PPFIA2: variants seen among roughly 807,000 people sequenced by gnomAD.
PPFIA2 encodes the protein PPFI scaffold protein A2.
In PPFIA2, 46 loss-of-function variants were observed where a neutral mutation model predicts 175.5. The ratio of observed to expected loss-of-function variants is 0.26; its 90% CI spans 0.21 to 0.34. The LOEUF (loss-of-function observed/expected upper bound fraction) is 0.34. Ranked by LOEUF, PPFIA2 falls within the 10% of genes least tolerant of loss-of-function variation. The pLI, the probability that PPFIA2 is intolerant of heterozygous loss-of-function variation, is 1.00. For synonymous variants in PPFIA2, 568 were observed against 511.4 expected (o/e 1.11, Z -1.49); for missense variants, 1,179 against 1,506.1 (o/e 0.78, Z 3.60).
chr12:81,717,335 A>G (rs1339492127), intron 3 of PPFIA2, among the ~76,000 whole-genome samples: 2 of 151,614 alleles, frequency 1.3e-5, no homozygotes, highest in Non-Finnish European at 3.0e-5. Context: ...TTCTTATCTT[A>G]TGGGTGATGT....
chr12:81,484,820 T>C (rs1212245195), intron 4 of PPFIA2, among the ~76,000 whole-genome samples: 2 of 151,986 alleles, frequency 1.3e-5, no homozygotes, highest in Non-Finnish European at 2.9e-5. Context: ...TAAGTTGTGA[T>C]GATTTTCATA....
chr12:81,492,944 T>C (rs1273566752), intron 4 of PPFIA2, among the ~76,000 whole-genome samples: 2 of 152,044 alleles, frequency 1.3e-5, no homozygotes, highest in Admixed American at 6.6e-5. Context: ...TTGAAGTAGA[T>C]AGATTATGCA....
intron 5 of PPFIA2, among the ~76,000 whole-genome samples, chr12:81,450,553 G>A (rs944663242): frequency 3.9e-5 from 6 of 152,082 alleles, no homozygotes; most frequent in African/African-American, 1.2e-4. Flanking sequence ...TTTGTCAGAT[G>A]AGTAGGTTGC....
intron 7 of PPFIA2, among the ~76,000 whole-genome samples, chr12:81,435,344 G>T (rs2144715655): frequency 6.6e-6 from 1 of 152,258 alleles, no homozygotes. Flanking sequence ...AAAGCCCTGT[G>T]GCAATGCCAA....
intron 3 of PPFIA2, among the ~76,000 whole-genome samples, chr12:81,711,320 T>C (rs2077881875): frequency 6.6e-6 from 1 of 151,446 alleles, no homozygotes; most frequent in African/African-American, 2.4e-5. Context: ...CTCTCTCAAT[T>C]GGCTTTGATC....
chr12:81,585,787 AAATGTAT>A (rs2153435044), intron 4 of PPFIA2, among the ~76,000 whole-genome samples: 1 of 152,084 alleles, frequency 6.6e-6, no homozygotes, highest in Admixed American at 6.6e-5. Flanking sequence ...ATTGTATAGT[AAATGTAT>A]AATCCAGTAA....
chr12:81,395,386 C>T (rs556631674), intron 8 of PPFIA2, among the ~76,000 whole-genome samples: 57 of 151,918 alleles, frequency 3.8e-4, no homozygotes, highest in Non-Finnish European at 6.8e-4. Flanking sequence ...AATAACTTCC[C>T]GAAGTTAATT....
intron 17 of PPFIA2, 122 bp downstream of exon 17, chr12:81,352,997 G>T: frequency 1.3e-6 from 1 of 797,106 alleles, no homozygotes; most frequent in Non-Finnish European, 2.0e-6. Flanking sequence ...GGTGAGGTCT[G>T]AGATTCTGCA....
chr12:81,570,678 TA>T lies in PPFIA2; in HGVS notation c.303+106112del, dbSNP rs201355802. 4.3e-3 allele frequency among the ~76,000 whole-genome samples: 648 copies of T among 150,092 alleles called. 9 individuals are homozygous for T. Among genetic ancestry groups the T allele is most frequent in the Admixed American group, 0.019 (287 of 15,040 alleles). On this transcript the variant is annotated intron_variant, in intron 4 of 32. Coordinates refer to ENST00000549396, the MANE Select transcript of PPFIA2 (RefSeq NM_003625.5). ...AAAGGGGGAATTTATCTCATTCCTTTAAAAAATAATTTTATAATTACATAAA... is the reference window on the plus strand; with the variant it reads ...AAAGGGGGAATTTATCTCATTCCTTTAAAAATAATTTTATAATTACATAAA...
chr12:81,262,108 T>C, intron 31 of PPFIA2, 68 bp from the exon 32 acceptor site: 6 of 1,125,976 alleles, frequency 5.3e-6, no homozygotes, highest in Non-Finnish European at 7.9e-6. Flanking sequence ...ATGAGAAAGA[T>C]TTATTTTCCC....
intron 3 of PPFIA2, among the ~76,000 whole-genome samples, chr12:81,717,850 G>A (rs1333638913): frequency 6.6e-6 from 1 of 151,510 alleles, no homozygotes; most frequent in African/African-American, 2.4e-5. Flanking sequence ...TGGGGAAGAA[G>A]GACAAGGCAA....
At chr12:81,654,021 T>A (rs1384518973) in intron 4 of PPFIA2, among the ~76,000 whole-genome samples, 1 of 152,006 alleles carries the variant, frequency 6.6e-6, no homozygotes, top group Non-Finnish European at 1.5e-5. Flanking sequence ...ATGGGAACAT[T>A]TCTTAATTTA....
At chr12:81,683,978 C>A (rs1259420760) in intron 3 of PPFIA2, among the ~76,000 whole-genome samples, 3 of 151,958 alleles carry the variant, frequency 2.0e-5, no homozygotes, top group Non-Finnish European at 2.9e-5. Context: ...AAAGAGAGAA[C>A]CCACTCACCC....
intron 4 of PPFIA2, among the ~76,000 whole-genome samples, chr12:81,462,084 A>G (rs1284317501): frequency 6.6e-6 from 1 of 151,702 alleles, no homozygotes; most frequent in Non-Finnish European, 1.5e-5. Flanking sequence ...ATAAATTTAG[A>G]AGATATTATT....
rs372651882 is a variant in PPFIA2 at position 81,307,173 on chromosome 12, C to A, written c.2643-7791G>T. ...GCCCAATCTACAATTATCCTCTTCT[C>A]CTTTAAAATCTGGAAGCCTGTAGTG... is the stretch of plus-strand genomic sequence containing the variant. On this transcript the variant is annotated intron_variant, in intron 22 of 32. Transcript: ENST00000549396. Among the ~76,000 whole-genome samples, 15 of 152,260 alleles carry A rather than the reference C, an allele frequency of 9.9e-5. No individual in the cohort carries two copies. The East Asian group carries it at 2.5e-3, about 26-fold the overall frequency.
chr12:81,593,206 C>CAATTAATA (rs2058875130), intron 4 of PPFIA2, among the ~76,000 whole-genome samples: 1 of 151,946 alleles, frequency 6.6e-6, no homozygotes, highest in Non-Finnish European at 1.5e-5. Context: ...AGAAAAACCC[C>CAATTAATA]AATTAATAAA....
intron 4 of PPFIA2, among the ~76,000 whole-genome samples, chr12:81,606,184 T>C (rs181019343): frequency 2.0e-5 from 3 of 152,082 alleles, no homozygotes; most frequent in African/African-American, 7.2e-5. Context: ...TATTCTACAG[T>C]GTATATGGAG....
rs899721930 is a variant in PPFIA2 at position 81,368,876 on chromosome 12, CAT to C, written c.1351-22_1351-21del. ...CCTAGCCTTACATTTTAAAAAATGA[CAT>C]AAAAATCCATTCAAAAACTGTTTGA... On this transcript the variant is annotated intron_variant, in intron 12 of 32. Coordinates refer to ENST00000549396, the MANE Select transcript of PPFIA2 (RefSeq NM_003625.5). 2 of 1,591,930 alleles carry C rather than the reference CAT, an allele frequency of 1.3e-6. No individual in the cohort carries two copies. The highest frequency in any genetic ancestry group is 1.7e-6 in the Non-Finnish European group (2 of 1,171,672).
chr12:81,320,133 A>G (rs1334632723), intron 22 of PPFIA2, among the ~76,000 whole-genome samples: 1 of 152,066 alleles, frequency 6.6e-6, no homozygotes, highest in African/African-American at 2.4e-5. Flanking sequence ...ACCTTCACAT[A>G]TAAATATTTT....
Sources: allele counts gnomAD v4.1 joint callset (sites outside exome capture counted in the v4.1 genomes callset), GRCh38; gene constraint gnomAD v4.1.1; transcripts MANE v1.5; gene names NCBI Gene and HGNC (gene_info 2026-07-23, HGNC 2026-07-21).